Variants in FNDC3B observed in about 807,000 individuals in gnomAD.
FNDC3B encodes the protein fibronectin type III domain-containing protein 3B.
FNDC3B carries 12 observed loss-of-function variants against 151.5 expected under a neutral mutation model. The ratio of observed to expected loss-of-function variants is 0.08; its 90% confidence interval spans 0.05 to 0.13. FNDC3B has a LOEUF of 0.13. Among genes scored for constraint, FNDC3B ranks in the 10% least tolerant of loss-of-function variants. The probability of loss-of-function intolerance (pLI) is 1.00; values close to 1 mark genes in which losing one functional copy is unlikely to be tolerated. For synonymous variants in FNDC3B, 528 were observed against 549.0 expected (o/e 0.96, Z 0.54); for missense variants, 1,214 against 1,505.3 (o/e 0.81, Z 3.20).
chr3:172,042,601 C>G (rs997023017), intron 1 of FNDC3B, among the ~76,000 whole-genome samples: 3 of 152,122 alleles, frequency 2.0e-5, no homozygotes, highest in Admixed American at 2.0e-4. Flanking sequence ...CATTAAAATT[C>G]TAGTATTTTC....
intron 7 of FNDC3B, among the ~76,000 whole-genome samples, chr3:172,289,347 TA>T (rs967217851): frequency 4.6e-5 from 7 of 152,152 alleles, no homozygotes; most frequent in African/African-American, 1.4e-4. Context: ...CCCAGCCAGA[TA>T]ATCCAGGTTA....
At chr3:172,306,818 G>A (rs1421040115) in intron 9 of FNDC3B, 1 of 152,698 alleles carries the variant, frequency 6.5e-6, no homozygotes, top group Non-Finnish European at 1.5e-5. Flanking sequence ...TGTTTTTGTG[G>A]AATTAGAGAA....
At chr3:172,082,863 C>G (rs1489438762) in intron 1 of FNDC3B, among the ~76,000 whole-genome samples, 1 of 152,146 alleles carries the variant, frequency 6.6e-6, no homozygotes, top group Non-Finnish European at 1.5e-5. Flanking sequence ...TAGCTCTCTA[C>G]TCATTTAGAA....
At chr3:172,208,661 C>T (rs1396807631) in intron 3 of FNDC3B, among the ~76,000 whole-genome samples, 1 of 152,020 alleles carries the variant, frequency 6.6e-6, no homozygotes, top group Non-Finnish European at 1.5e-5. Context: ...AGCCAGAAAC[C>T]TCTGGCCGGC....
chr3:172,114,726 G>C lies in FNDC3B; in HGVS notation c.111+2136G>C, dbSNP rs150030793. 7.2e-5 allele frequency among the ~76,000 whole-genome samples: 11 copies of C among 152,040 alleles called. No homozygotes were observed. In the East Asian group the frequency reaches 1.9e-3, roughly 27 times the overall value. ...CAAAGTGAGACCCCATCTCTAAAAAGAAAACAAAAACAAAAACCCGCATTT... is the reference window on the plus strand; with the variant it reads ...CAAAGTGAGACCCCATCTCTAAAAACAAAACAAAAACAAAAACCCGCATTT... On this transcript the variant is annotated intron_variant, in intron 2 of 25. Coordinates refer to ENST00000415807, the MANE Select transcript of FNDC3B (RefSeq NM_022763.4).
intron 4 of FNDC3B, among the ~76,000 whole-genome samples, chr3:172,228,659 T>A (rs1726715913): frequency 6.6e-6 from 1 of 152,232 alleles, no homozygotes; most frequent in Non-Finnish European, 1.5e-5. Context: ...GGAAGCATGT[T>A]GATGCTCTTT....
At chr3:172,152,486 G>A (rs570477037) in intron 3 of FNDC3B, among the ~76,000 whole-genome samples, 6 of 151,008 alleles carry the variant, frequency 4.0e-5, no homozygotes, top group Non-Finnish European at 8.8e-5. Flanking sequence ...CCCATTCTCC[G>A]TACCCTTCAT....
At chr3:172,050,011 A>G (rs1297000691) in intron 1 of FNDC3B, among the ~76,000 whole-genome samples, 1 of 152,208 alleles carries the variant, frequency 6.6e-6, no homozygotes, top group Non-Finnish European at 1.5e-5. Context: ...AAGAAAACAC[A>G]TAAATTCTGT....
chr3:172,206,082 A>G (rs1251522177), intron 3 of FNDC3B, among the ~76,000 whole-genome samples: 16 of 152,228 alleles, frequency 1.1e-4, no homozygotes, highest in Admixed American at 1.0e-3. Context: ...CTTGGAAGCA[A>G]CATTTTTACA....
At chr3:172,276,891 G>A (rs753951784) in intron 6 of FNDC3B, among the ~76,000 whole-genome samples, 2 of 152,096 alleles carry the variant, frequency 1.3e-5, no homozygotes, top group Non-Finnish European at 2.9e-5. Flanking sequence ...GACAACTAAT[G>A]CATACTTGGT....
At chr3:172,201,583 G>A (rs1368746290) in intron 3 of FNDC3B, among the ~76,000 whole-genome samples, 3 of 152,084 alleles carry the variant, frequency 2.0e-5, no homozygotes, top group Admixed American at 2.0e-4. Context: ...GGTTGTCTAA[G>A]CAAAGCAATG....
chr3:172,357,112 T>C (rs13319523), intron 22 of FNDC3B, among the ~76,000 whole-genome samples: 28,766 of 152,164 alleles, frequency 0.19, 3,421 homozygotes, highest in East Asian at 0.58. Context: ...GGTCCTTTAA[T>C]GGTGGATTTT....
intron 7 of FNDC3B, among the ~76,000 whole-genome samples, chr3:172,292,735 T>G (rs1314601598): frequency 6.6e-6 from 1 of 152,218 alleles, no homozygotes; most frequent in African/African-American, 2.4e-5. Context: ...AACCAAACTC[T>G]TTGTAACAAA....
In FNDC3B at chr3:172,201,641, C is replaced by T. The variant is rs141251526; in HGVS notation, c.188-25230C>T. On this transcript the variant is annotated intron_variant, in intron 3 of 25. Coordinates refer to ENST00000415807, the MANE Select transcript of FNDC3B (RefSeq NM_022763.4). ...CTATCTTTCTAGACCATTCTTTGCACGAAATGCTGACTTAATGAGAGTCTG... is the reference window on the plus strand; with the variant it reads ...CTATCTTTCTAGACCATTCTTTGCATGAAATGCTGACTTAATGAGAGTCTG... 3.5e-3 allele frequency among the ~76,000 whole-genome samples: 533 copies of T among 152,234 alleles called. 2 individuals are homozygous for T. Among genetic ancestry groups the T allele is most frequent in the African/African-American group, 0.012 (517 of 41,522 alleles).
At chr3:172,328,275 C>T (rs987713055) in intron 11 of FNDC3B, among the ~76,000 whole-genome samples, 4 of 152,214 alleles carry the variant, frequency 2.6e-5, no homozygotes, top group African/African-American at 9.7e-5. Flanking sequence ...CATTCACTTC[C>T]ACCCTGCAAG....
intron 3 of FNDC3B, among the ~76,000 whole-genome samples, chr3:172,146,853 A>G (rs1721937765): frequency 6.6e-6 from 1 of 152,230 alleles, no homozygotes; most frequent in Non-Finnish European, 1.5e-5. Context: ...CAGAAATATG[A>G]GTTACTGCTT....
chr3:172,171,687 G>A (rs1480698319), intron 3 of FNDC3B, among the ~76,000 whole-genome samples: 17 of 149,934 alleles, frequency 1.1e-4, no homozygotes, highest in Admixed American at 1.0e-3. Flanking sequence ...AAAACAGCAT[G>A]GCATATTATT....
intron 2 of FNDC3B, among the ~76,000 whole-genome samples, chr3:172,124,914 G>A (rs1207326485): frequency 6.6e-6 from 1 of 152,180 alleles, no homozygotes; most frequent in Non-Finnish European, 1.5e-5. Context: ...ACGCTGTAAG[G>A]CGGCAGTCAT....
chr3:172,239,825 T>C (rs529843767), intron 4 of FNDC3B, among the ~76,000 whole-genome samples: 1 of 136,166 alleles, frequency 7.3e-6, no homozygotes, highest in Non-Finnish European at 1.6e-5. Flanking sequence ...CTCAAAAAAA[T>C]ATAAATGTTT....
Sources: gnomAD v4.1 joint callset for allele counts (sites outside exome capture counted in the v4.1 genomes callset) on GRCh38, gnomAD v4.1.1 for gene constraint, MANE v1.5 for transcripts, NCBI Gene and HGNC (gene_info 2026-07-23, HGNC 2026-07-21) for gene names.